SGCZ: variants seen among roughly 807,000 people sequenced by gnomAD.
SGCZ encodes the protein sarcoglycan zeta, also known as zeta-sarcoglycan.
Under a neutral mutation model 41.3 loss-of-function variants are expected in SGCZ, and 40 were observed. That is an observed-to-expected ratio of 0.97 (90% CI 0.75 to 1.26). SGCZ has a LOEUF of 1.26. Ranked by LOEUF, SGCZ falls within the 50% of genes most tolerant of loss-of-function variation. SGCZ has a pLI of 0.00. For missense variants in SGCZ, 552 were observed against 369.8 expected (o/e 1.49, Z -4.04); for synonymous variants, 206 against 137.5 (o/e 1.50, Z -3.49).
At chr8:14,108,440 T>C (rs1361869110) in intron 5 of SGCZ, among the ~76,000 whole-genome samples, 1 of 152,206 alleles carries the variant, frequency 6.6e-6, no homozygotes, top group Non-Finnish European at 1.5e-5. Flanking sequence ...CAGTTCCACA[T>C]GGCTGGGGAG....
At chr8:14,519,522 A>C (rs562179407) in intron 2 of SGCZ, among the ~76,000 whole-genome samples, 12 of 152,254 alleles carry the variant, frequency 7.9e-5, no homozygotes, top group African/African-American at 2.6e-4. Flanking sequence ...ATGTTAAAAA[A>C]CACTTTATAT....
chr8:14,642,221 A>T (rs1271597657), intron 1 of SGCZ, among the ~76,000 whole-genome samples: 1 of 151,624 alleles, frequency 6.6e-6, no homozygotes, highest in South Asian at 2.1e-4. Context: ...TTGGGAAGAG[A>T]ATCAGATGGG....
At chr8:14,558,166 T>G (rs1804090335) in intron 1 of SGCZ, among the ~76,000 whole-genome samples, 1 of 152,124 alleles carries the variant, frequency 6.6e-6, no homozygotes, top group Non-Finnish European at 1.5e-5. Flanking sequence ...AGATTGAAAC[T>G]GTAATAAAAA....
chr8:14,742,365 T>C (rs1211393730), intron 1 of SGCZ, among the ~76,000 whole-genome samples: 3 of 152,058 alleles, frequency 2.0e-5, no homozygotes, highest in Non-Finnish European at 4.4e-5. Context: ...AATTAACAAC[T>C]TTAAAACTCA....
Position 14,177,964 on chromosome 8 carries a change from T to TTTTTTTTC in SGCZ, c.425-13263_425-13262insGAAAAAAA, listed in dbSNP as rs1441206869. ...CCTTCTTTTCTTTTTTTTTCTTTTT[T>TTTTTTTTC]TTTTTTTTTTTGAGACGAAGTCTCA... On this transcript the variant is annotated intron_variant, in intron 4 of 7. Transcript: ENST00000382080. Among the ~76,000 whole-genome samples the TTTTTTTTC allele has an allele frequency of 2.2e-5, 3 of 137,880 alleles. No individual in the cohort carries two copies. The East Asian group carries it at 6.3e-4, about 29-fold the overall frequency. The allele number at this position is 137,880 out of a possible 152,430, so 90.5% of individuals were successfully genotyped here.
rs572043611 is a variant in SGCZ, at chr8:15,188,942, A to G, written c.39+48643T>C. 2.6e-4 allele frequency among the ~76,000 whole-genome samples: 40 copies of G among 152,128 alleles called. No homozygotes were observed. In the South Asian group the frequency reaches 7.9e-3, roughly 30 times the overall value. On this transcript the variant is annotated intron_variant, in intron 1 of 7. Transcript: ENST00000382080. ...ATGATAAAATCTCCCCTTTTTTGCAATAGCTCCACTTTGACATTCATCCTC... is the reference window on the plus strand; with the variant it reads ...ATGATAAAATCTCCCCTTTTTTGCAGTAGCTCCACTTTGACATTCATCCTC...
intron 4 of SGCZ, among the ~76,000 whole-genome samples, chr8:14,221,781 T>C (rs1487524493): frequency 6.6e-5 from 10 of 151,710 alleles, no homozygotes; most frequent in Non-Finnish European, 1.5e-4. Flanking sequence ...ACAAAAAATA[T>C]AAAAAATTAG....
intron 1 of SGCZ, among the ~76,000 whole-genome samples, chr8:15,171,886 A>G (rs773661723): frequency 6.6e-6 from 1 of 152,118 alleles, no homozygotes; most frequent in East Asian, 1.9e-4. Context: ...CTTCACCTAA[A>G]TGGCTTGTAA....
At chr8:15,061,059 G>T (rs10100576) in intron 1 of SGCZ, among the ~76,000 whole-genome samples, 80,226 of 151,898 alleles carry the variant, frequency 0.53, 22,255 homozygotes, top group Admixed American at 0.63. Context: ...TGACCCAATC[G>T]TTGTTCCCTA....
At position 14,941,400 on chromosome 8, in the gene SGCZ, C is replaced by T. The variant is rs1265934593; in HGVS notation, c.39+296185G>A. On this transcript the variant is annotated intron_variant, in intron 1 of 7. Coordinates refer to ENST00000382080, the MANE Select transcript of SGCZ (RefSeq NM_139167.4). Reference sequence around the variant, plus strand: ...CGGGTATATTAACGCCTCATTCATACAGCGAAATATTACGTGGCTATTTTA... The same window carrying T: ...CGGGTATATTAACGCCTCATTCATATAGCGAAATATTACGTGGCTATTTTA... Among the ~76,000 whole-genome samples, 10 of 152,166 alleles carry T rather than the reference C, an allele frequency of 6.6e-5. No homozygotes were observed. The East Asian group carries it at 1.9e-3, about 29-fold the overall frequency.
At chr8:14,931,437 T>C (rs1030759738) in intron 1 of SGCZ, among the ~76,000 whole-genome samples, 1 of 152,056 alleles carries the variant, frequency 6.6e-6, no homozygotes, top group Non-Finnish European at 1.5e-5. Flanking sequence ...CTTGGATATA[T>C]TTACTAGTGT....
At chr8:14,603,079 G>A (rs924613671) in intron 1 of SGCZ, among the ~76,000 whole-genome samples, 1 of 152,100 alleles carries the variant, frequency 6.6e-6, no homozygotes, top group Non-Finnish European at 1.5e-5. Context: ...GACATACGCC[G>A]GGGGCAACCC....
intron 3 of SGCZ, among the ~76,000 whole-genome samples, chr8:14,275,704 A>T (rs1006897683): frequency 6.6e-6 from 1 of 152,142 alleles, no homozygotes; most frequent in African/African-American, 2.4e-5. Context: ...CCCTTGATTC[A>T]GTGAAGACAA....
intron 1 of SGCZ, among the ~76,000 whole-genome samples, chr8:14,966,402 A>G (rs926220006): frequency 6.6e-6 from 1 of 151,692 alleles, no homozygotes; most frequent in African/African-American, 2.4e-5. Flanking sequence ...TCAAATAACT[A>G]CATGTTTATA....
At chr8:15,187,995 C>T (rs1451552332) in intron 1 of SGCZ, among the ~76,000 whole-genome samples, 1 of 151,966 alleles carries the variant, frequency 6.6e-6, no homozygotes, top group Non-Finnish European at 1.5e-5. Context: ...ACAATAATTA[C>T]ATTTTATTGA....
chr8:14,317,179 T>A (rs1454295367), intron 3 of SGCZ, among the ~76,000 whole-genome samples: 1 of 152,094 alleles, frequency 6.6e-6, no homozygotes, highest in Non-Finnish European at 1.5e-5. Context: ...AGCGCAATGT[T>A]TGGCTGGGAA....
intron 1 of SGCZ, among the ~76,000 whole-genome samples, chr8:14,851,389 A>G (rs1585318154): frequency 6.7e-6 from 1 of 150,082 alleles, no homozygotes; most frequent in East Asian, 2.0e-4. Flanking sequence ...AAAAAAAAAA[A>G]AGAAAAAAAG....
At chr8:14,892,598 A>C (rs1805055545) in intron 1 of SGCZ, among the ~76,000 whole-genome samples, 1 of 152,232 alleles carries the variant, frequency 6.6e-6, no homozygotes, top group Non-Finnish European at 1.5e-5. Context: ...ATATTAATAC[A>C]TCATTAAATT....
chr8:14,339,360 T>A (rs1802619079), intron 2 of SGCZ, among the ~76,000 whole-genome samples: 1 of 152,212 alleles, frequency 6.6e-6, no homozygotes, highest in African/African-American at 2.4e-5. Context: ...TTGCTGAGAA[T>A]GGTTGTTCTC....
Sources: gnomAD v4.1 joint callset for allele counts (sites outside exome capture counted in the v4.1 genomes callset) on GRCh38, gnomAD v4.1.1 for gene constraint, MANE v1.5 for transcripts, NCBI Gene and HGNC (gene_info 2026-07-23, HGNC 2026-07-21) for gene names.